The following HSD17B3 variants were observed in gnomAD, a reference collection of about 807,000 sequenced individuals.
HSD17B3 encodes the protein 17-beta-hydroxysteroid dehydrogenase type 3.
HSD17B3 carries 29 observed loss-of-function variants against 41.1 expected under a neutral mutation model. The ratio of observed to expected loss-of-function variants is 0.71; its 90% CI spans 0.53 to 0.96. The LOEUF (loss-of-function observed/expected upper bound fraction) is 0.96, where lower values mean the gene tolerates loss of function less well. Among genes scored for constraint, HSD17B3 ranks in the 40% least tolerant of loss-of-function variants. HSD17B3 has a pLI of 0.00. For missense variants in HSD17B3, 323 were observed against 374.6 expected, an observed-to-expected ratio of 0.86 and a Z score of 1.14; for synonymous variants, 126 against 145.6, an observed-to-expected ratio of 0.87 and a Z score of 0.97.
rs59947729 is a variant in HSD17B3 at position 96,269,909 on chromosome 9, G to GAAAAAAAAAAAAAAAAAAAAAA, written c.202-14967_202-14966insTTTTTTTTTTTTTTTTTTTTTT. On this transcript the variant is annotated intron_variant, in intron 2 of 10. Transcript: ENST00000375263. ...ACAGAGTGAGAATCCATCTTAAAAAGAAAAAAAAAAAAAAAAAAAAGCAGA... is the reference window on the plus strand; with the variant it reads ...ACAGAGTGAGAATCCATCTTAAAAAGAAAAAAAAAAAAAAAAAAAAAAAAAAAAAAAAAAAAAAAAAAGCAGA... Among the ~76,000 whole-genome samples, 2 of 103,880 alleles carry GAAAAAAAAAAAAAAAAAAAAAA rather than the reference G, an allele frequency of 1.9e-5. 1 individual carries two copies. 68.1% of individuals were successfully genotyped at this position (103,880 alleles called of 152,430 possible). A position where few individuals can be genotyped will look rare whatever the true frequency, so the allele number is the denominator to read the frequency against.
intron 6 of HSD17B3, among the ~76,000 whole-genome samples, chr9:96,248,245 A>G (rs920902852): frequency 1.3e-5 from 2 of 152,216 alleles, no homozygotes; most frequent in African/African-American, 4.8e-5. Flanking sequence ...TAAGCACAAA[A>G]AGATGTGTGT....
intron 6 of HSD17B3, 21 bp from the exon 7 acceptor site, chr9:96,246,611 T>C: frequency 6.2e-7 from 1 of 1,613,412 alleles, no homozygotes. Context: ...AGGCCAAAGG[T>C]AAGCCCGACA....
At position 96,296,057 on chromosome 9, in the gene HSD17B3, TG is replaced by T. The variant is rs535791043; in HGVS notation, c.201+2358del. Among the ~76,000 whole-genome samples the T allele has an allele frequency of 2.6e-5, 4 of 152,206 alleles. No homozygotes were observed. The South Asian group carries it at 8.3e-4, about 32-fold the overall frequency. ...TGAGCCCAGGAGTTCAAGACCAGCC[TG>T]GGCAACATGGTGAAACCCTGTCAGT... On this transcript the variant is annotated intron_variant, in intron 2 of 10. Transcript: ENST00000375263.
intron 5 of HSD17B3, 72 bp downstream of exon 5, chr9:96,251,346 T>G: frequency 7.6e-7 from 1 of 1,318,152 alleles, no homozygotes; most frequent in Non-Finnish European, 1.1e-6. Flanking sequence ...TTCCCAGGCC[T>G]GACTCATTAC....
At chr9:96,247,562 T>C (rs1305994792) in intron 6 of HSD17B3, among the ~76,000 whole-genome samples, 2 of 152,166 alleles carry the variant, frequency 1.3e-5, no homozygotes, top group Non-Finnish European at 2.9e-5. Context: ...TGGGGCTCTC[T>C]AGAACCACTG....
intron 8 of HSD17B3, 146 bp from the exon 9 acceptor site, chr9:96,244,540 G>A: frequency 2.7e-6 from 2 of 753,578 alleles, no homozygotes; most frequent in Admixed American, 2.0e-5. Flanking sequence ...AGGGTACGGA[G>A]TTTCAGCTGC....
At chr9:96,290,456 C>CTTTTTTTTTTTTTT (rs61373611) in intron 2 of HSD17B3, among the ~76,000 whole-genome samples, 2 of 78,432 alleles carry the variant, frequency 2.5e-5, no homozygotes, top group Non-Finnish European at 4.3e-5. Flanking sequence ...ATTTCCTGGG[C>CTTTTTTTTTTTTTT]TTTTTTTTTT....
chr9:96,245,528 CT>C (rs1836627677), intron 7 of HSD17B3, 102 bp from the exon 8 acceptor site: 1 of 839,658 alleles, frequency 1.2e-6, no homozygotes, highest in Admixed American at 1.9e-5. Context: ...GGACTCGACC[CT>C]TTCTAGGCTT....
chr9:96,236,778 T>C (rs916147599), intron 10 of HSD17B3, among the ~76,000 whole-genome samples: 2 of 152,196 alleles, frequency 1.3e-5, no homozygotes, highest in East Asian at 1.9e-4. Context: ...TGCCACCAAA[T>C]TGCAACTGTG....
chr9:96,298,501 T>C (rs1827450022), intron 1 of HSD17B3, 39 bp from the exon 2 acceptor site: 1 of 1,560,540 alleles, frequency 6.4e-7, no homozygotes, highest in South Asian at 1.1e-5. Context: ...ACAGAATTCA[T>C]CTTTAAACTT....
intron 6 of HSD17B3, among the ~76,000 whole-genome samples, chr9:96,247,525 G>A (rs1049594891): frequency 2.0e-5 from 3 of 152,214 alleles, no homozygotes; most frequent in African/African-American, 4.8e-5. Context: ...CTGCTGGGGG[G>A]CCAGGGGGCC....
chr9:96,283,803 G>C (rs899755982), intron 2 of HSD17B3, among the ~76,000 whole-genome samples: 1 of 152,108 alleles, frequency 6.6e-6, no homozygotes, highest in South Asian at 2.1e-4. Context: ...CTTAAATGCA[G>C]GTTTCTGATA....
intron 2 of HSD17B3, among the ~76,000 whole-genome samples, chr9:96,256,799 TCAAA>T (rs1034562474): frequency 6.7e-6 from 1 of 148,706 alleles, no homozygotes; most frequent in African/African-American, 2.5e-5. Flanking sequence ...CAAGGAGAGG[TCAAA>T]AAAAAAAAAC....
intron 2 of HSD17B3, among the ~76,000 whole-genome samples, chr9:96,277,888 C>T (rs1322750809): frequency 6.7e-6 from 1 of 149,758 alleles, no homozygotes; most frequent in Non-Finnish European, 1.5e-5. Context: ...TATCATTTAG[C>T]CTTTAAAAAG....
chr9:96,301,691 A>C (rs1382756975), intron 1 of HSD17B3, among the ~76,000 whole-genome samples: 1 of 146,120 alleles, frequency 6.8e-6, no homozygotes, highest in Non-Finnish European at 1.5e-5. Context: ...AGCCCGGGCA[A>C]CAGAGTGAGA....
Position 96,301,710 on chromosome 9 carries a change from C to CAAA in HSD17B3, c.154+238_154+240dup, listed in dbSNP as rs35760395. The stretch of plus-strand genomic sequence containing the variant: ...CGGGCAACAGAGTGAGACTCTGTCT[C>CAAA]AAAAAAAAAAAAAAAACACCATTAG... On this transcript the variant is annotated intron_variant, in intron 1 of 10. Transcript: ENST00000375263. 2.9e-3 allele frequency among the ~76,000 whole-genome samples: 302 copies of CAAA among 103,452 alleles called. 4 individuals carry two copies. Among genetic ancestry groups the CAAA allele is most frequent in the African/African-American group, 9.9e-3 (273 of 27,524 alleles). 67.9% of individuals were successfully genotyped at this position (103,452 alleles called of 152,430 possible). A position where few individuals can be genotyped will look rare whatever the true frequency, so the allele number is the denominator to read the frequency against.
intron 9 of HSD17B3, 143 bp downstream of exon 9, chr9:96,244,186 T>C: frequency 1.2e-6 from 1 of 857,492 alleles, no homozygotes; most frequent in Non-Finnish European, 2.0e-6. Context: ...CCAGCTCATC[T>C]TCCTGTTGAC....
At chr9:96,257,151 C>A (rs1825695453) in intron 2 of HSD17B3, among the ~76,000 whole-genome samples, 1 of 152,126 alleles carries the variant, frequency 6.6e-6, no homozygotes, top group Non-Finnish European at 1.5e-5. Flanking sequence ...GAACTGTGAG[C>A]CAATTAAACC....
rs1031524934 is a variant in HSD17B3, at chr9:96,247,705, G to A, written c.490-1115C>T. 5.3e-5 allele frequency among the ~76,000 whole-genome samples: 8 copies of A among 152,170 alleles called. No homozygotes were observed. In the South Asian group the frequency reaches 8.3e-4, roughly 16 times the overall value. ...TGTCAGCCAGCACCCACATTGCCTC[G>A]AAGCCTCCCGAATGAACTCACTAGC... On this transcript the variant is annotated intron_variant, in intron 6 of 10. Coordinates refer to ENST00000375263, the MANE Select transcript of HSD17B3 (RefSeq NM_000197.2).
Sources: allele counts gnomAD v4.1 joint callset (sites outside exome capture counted in the v4.1 genomes callset), GRCh38; gene constraint gnomAD v4.1.1; transcripts MANE v1.5; gene names NCBI Gene and HGNC (gene_info 2026-07-23, HGNC 2026-07-21).